CARMIL1: variants seen among roughly 807,000 people sequenced by gnomAD.
The protein encoded by CARMIL1 is capping protein regulator and myosin 1 linker 1.
CARMIL1 carries 90 observed loss-of-function variants against 177.1 expected under a neutral mutation model. The ratio of observed to expected loss-of-function variants is 0.51; its 90% CI spans 0.43 to 0.61. The LOEUF (loss-of-function observed/expected upper bound fraction) is 0.61. Among genes scored for constraint, CARMIL1 ranks in the 20% least tolerant of loss-of-function variants. The probability of loss-of-function intolerance (pLI) is 0.00; values close to 1 mark genes in which losing one functional copy is unlikely to be tolerated. For synonymous variants in CARMIL1, 577 were observed against 606.2 expected, an observed-to-expected ratio of 0.95 and a Z score of 0.71; for missense variants, 1,380 against 1,667.0, an observed-to-expected ratio of 0.83 and a Z score of 3.00.
chr6:25,517,072 GAA>G (rs1806074420), intron 21 of CARMIL1, among the ~76,000 whole-genome samples: 1 of 152,214 alleles, frequency 6.6e-6, no homozygotes, highest in African/African-American at 2.4e-5. Flanking sequence ...TCTGTCTAGT[GAA>G]AGTTAGATAA....
chr6:25,513,317 T>C (rs545836970), intron 20 of CARMIL1, among the ~76,000 whole-genome samples: 17 of 152,306 alleles, frequency 1.1e-4, no homozygotes, highest in Admixed American at 9.8e-4. Context: ...TACCTGTATG[T>C]AGGATGTTAA....
rs1209854882 is a variant in CARMIL1, at chr6:25,577,796, G to A, written c.2743-3128G>A. 3.9e-5 allele frequency among the ~76,000 whole-genome samples: 6 copies of A among 152,136 alleles called. No individual in the cohort carries two copies. Among genetic ancestry groups the A allele is most frequent in the Non-Finnish European group, 8.8e-5 (6 of 68,028 alleles). The stretch of plus-strand genomic sequence containing the variant: ...ATTTGATCAAATGAGTACAATTTCA[G>A]AGTAATGTAGGCATTGATGCTTTTG... On this transcript the variant is annotated intron_variant, in intron 29 of 36. Transcript: ENST00000329474. The surrounding 1 kb of genome is among the most constrained non-coding windows in gnomAD (Gnocchi z 4.5).
chr6:25,382,911 A>C (rs187290543), intron 2 of CARMIL1, among the ~76,000 whole-genome samples: 142 of 152,352 alleles, frequency 9.3e-4, no homozygotes, highest in South Asian at 2.5e-3. Context: ...CTGGGATTAC[A>C]GGCATGAGCC....
intron 4 of CARMIL1, chr6:25,433,323 G>C (rs1452730032): frequency 6.6e-6 from 1 of 152,222 alleles, no homozygotes; most frequent in Non-Finnish European, 1.5e-5. Flanking sequence ...GAATAGATGT[G>C]CTAGATGTGA....
intron 2 of CARMIL1, among the ~76,000 whole-genome samples, chr6:25,379,251 A>G (rs1225062828): frequency 1.3e-5 from 2 of 152,200 alleles, no homozygotes; most frequent in Non-Finnish European, 2.9e-5. Flanking sequence ...CAGTAGGGCC[A>G]TAAGATACAT....
intron 3 of CARMIL1, among the ~76,000 whole-genome samples, chr6:25,420,750 A>G (rs1049534965): frequency 6.6e-6 from 1 of 152,228 alleles, no homozygotes. Flanking sequence ...TTTTCATAAG[A>G]TGTCCTTCAT....
At chr6:25,363,315 G>GTATT (rs1220869339) in intron 2 of CARMIL1, among the ~76,000 whole-genome samples, 1 of 152,110 alleles carries the variant, frequency 6.6e-6, no homozygotes. Flanking sequence ...CAGGGACCAT[G>GTATT]TATTTATTTA....
At chr6:25,449,117 C>A (rs1581981738) in intron 5 of CARMIL1, among the ~76,000 whole-genome samples, 1 of 152,092 alleles carries the variant, frequency 6.6e-6, no homozygotes, top group Non-Finnish European at 1.5e-5. Context: ...GCCTTGAATT[C>A]CTGGGCTCAA....
At chr6:25,569,971 A>C (rs1811919214) in intron 29 of CARMIL1, among the ~76,000 whole-genome samples, 1 of 151,710 alleles carries the variant, frequency 6.6e-6, no homozygotes, top group Admixed American at 6.6e-5. Context: ...AAAGTAAATA[A>C]TTTTCCCACT....
chr6:25,421,787 G>A (rs1309012913), intron 3 of CARMIL1, among the ~76,000 whole-genome samples: 38 of 146,950 alleles, frequency 2.6e-4, no homozygotes, highest in Non-Finnish European at 4.6e-4. Context: ...ACCAAACACC[G>A]CATGTTCTCA....
At chr6:25,599,266 G>T (rs1297309487) in intron 32 of CARMIL1, among the ~76,000 whole-genome samples, 1 of 152,150 alleles carries the variant, frequency 6.6e-6, no homozygotes, top group South Asian at 2.1e-4. Flanking sequence ...AAATGCTTCT[G>T]GGTCTCCCCG....
At chr6:25,564,024 CAT>C (rs1227047328) in intron 29 of CARMIL1, 1 of 255,972 alleles carries the variant, frequency 3.9e-6, no homozygotes, top group African/African-American at 2.3e-5. Flanking sequence ...TCATAAGTAA[CAT>C]ATTATACAAA....
intron 2 of CARMIL1, among the ~76,000 whole-genome samples, chr6:25,345,895 G>C (rs1463864765): frequency 6.6e-6 from 1 of 152,208 alleles, no homozygotes; most frequent in Non-Finnish European, 1.5e-5. Context: ...GGGATTACAG[G>C]TGTGAGCCAC....
chr6:25,542,179 GTTAA>G (rs1808982206), intron 26 of CARMIL1, among the ~76,000 whole-genome samples: 1 of 152,188 alleles, frequency 6.6e-6, no homozygotes, highest in South Asian at 2.1e-4. Flanking sequence ...GCTTCAAACT[GTTAA>G]TTGTCATTTC....
At chr6:25,403,387 C>T (rs758910192) in intron 2 of CARMIL1, among the ~76,000 whole-genome samples, 5 of 152,158 alleles carry the variant, frequency 3.3e-5, no homozygotes, top group Non-Finnish European at 5.9e-5. Flanking sequence ...CCTGAGCTCC[C>T]TGCTTCCACT....
At chr6:25,320,938 G>A (rs1784623196) in intron 2 of CARMIL1, among the ~76,000 whole-genome samples, 1 of 152,218 alleles carries the variant, frequency 6.6e-6, no homozygotes, top group South Asian at 2.1e-4. Flanking sequence ...TTAAGAAAGT[G>A]TATGAATTTT....
chr6:25,524,962 A>C (rs969092118), intron 23 of CARMIL1, among the ~76,000 whole-genome samples: 4 of 152,152 alleles, frequency 2.6e-5, no homozygotes, highest in African/African-American at 7.2e-5. Flanking sequence ...AAAGAAAAGA[A>C]CAGACTATCC....
chr6:25,426,599 T>TGCAG, intron 4 of CARMIL1, 39 bp downstream of exon 4: 1 of 1,538,494 alleles, frequency 6.5e-7, no homozygotes, highest in Non-Finnish European at 8.9e-7. Context: ...ATCATGATCT[T>TGCAG]TCTTGAATTC....
intron 2 of CARMIL1, among the ~76,000 whole-genome samples, chr6:25,303,730 A>G (rs1231517354): frequency 6.6e-6 from 1 of 152,270 alleles, no homozygotes; most frequent in Non-Finnish European, 1.5e-5. Context: ...GGAGAAATAT[A>G]TGTTAAATAA....
Sources: gnomAD v4.1 joint callset for allele counts (sites outside exome capture counted in the v4.1 genomes callset) on GRCh38, gnomAD v4.1.1 for gene constraint, Gnocchi (gnomAD v3.1) non-coding constraint, MANE v1.5 for transcripts, NCBI Gene and HGNC (gene_info 2026-07-23, HGNC 2026-07-21) for gene names.